Variants in MIX23 observed in about 807,000 individuals in gnomAD.
The protein encoded by MIX23 is mitochondrial matrix import factor 23.
MIX23 carries 13 observed loss-of-function variants against 21.6 expected under a neutral mutation model. That is an observed-to-expected ratio of 0.60 (90% confidence interval 0.39 to 0.96). The LOEUF is 0.96. MIX23 is among the 40% of genes least tolerant of loss of function. The probability of loss-of-function intolerance (pLI) is 0.00; values close to 1 mark genes in which losing one functional copy is unlikely to be tolerated. For missense variants in MIX23, 144 were observed against 171.2 expected (o/e 0.84, Z 0.89); for synonymous variants, 59 against 58.0 (o/e 1.02, Z -0.08).
chr3:122,362,827 C>A, intron 4 of MIX23, 141 bp downstream of exon 4: 5 of 295,128 alleles, frequency 1.7e-5, no homozygotes, highest in Non-Finnish European at 2.6e-5. Flanking sequence ...CAAAAGGTTA[C>A]AATCCTCAAT....
intron 2 of MIX23, 44 bp from the exon 3 acceptor site, chr3:122,368,366 A>T (rs770193347): frequency 6.6e-7 from 1 of 1,516,238 alleles, no homozygotes. Context: ...AACTGCATAA[A>T]TTTATCACAT....
intron 1 of MIX23, 37 bp from the exon 2 acceptor site, chr3:122,371,837 G>T: frequency 6.7e-7 from 1 of 1,502,946 alleles, no homozygotes; most frequent in South Asian, 1.2e-5. Flanking sequence ...TAACCCAAAT[G>T]GAAAGTTAGT....
intron 4 of MIX23, among the ~76,000 whole-genome samples, chr3:122,361,319 C>T (rs1385843365): frequency 2.0e-5 from 3 of 152,162 alleles, no homozygotes; most frequent in Admixed American, 2.0e-4. Context: ...TACAATTCAT[C>T]TCACCCATTT....
intron 3 of MIX23, among the ~76,000 whole-genome samples, chr3:122,367,018 TG>T (rs777455164): frequency 4.6e-5 from 7 of 152,108 alleles, no homozygotes; most frequent in Non-Finnish European, 5.9e-5. Context: ...AAATAACTAA[TG>T]AGTTTAAGGG....
At chr3:122,377,978 C>T (rs1331272046) in intron 1 of MIX23, among the ~76,000 whole-genome samples, 1 of 152,166 alleles carries the variant, frequency 6.6e-6, no homozygotes, top group African/African-American at 2.4e-5. Flanking sequence ...GGCTTAAGTA[C>T]ACAGAGAAAG....
At chr3:122,363,197 T>A (rs1367489978) in intron 3 of MIX23, among the ~76,000 whole-genome samples, 170 bp from the exon 4 acceptor site, 1 of 152,178 alleles carries the variant, frequency 6.6e-6, no homozygotes, top group Non-Finnish European at 1.5e-5. Context: ...TTTGACACAA[T>A]CAGCTTTCCC....
intron 2 of MIX23, among the ~76,000 whole-genome samples, chr3:122,368,737 T>C (rs1300688737): frequency 2.0e-5 from 3 of 152,216 alleles, no homozygotes; most frequent in African/African-American, 7.2e-5. Context: ...CTCTTTGTCC[T>C]TTCATATTTT....
rs1476927172 is a variant in MIX23, at chr3:122,383,151, C to G, written c.51+23G>C. ...GGGGACAAAAGGAGGCACATGCCTG[C>G]CACATGAGGAAAACCCCATCACCTG... On this transcript the variant is annotated intron_variant, in intron 1 of 4. Transcript: ENST00000291458. 5 of 1,613,908 alleles carry G rather than the reference C, an allele frequency of 3.1e-6. No individual in the cohort carries two copies. The South Asian group carries it at 4.4e-5, about 14-fold the overall frequency.
At chr3:122,363,135 CCTG>C (rs2075371799) in intron 3 of MIX23, 108 bp from the exon 4 acceptor site, 1 of 811,928 alleles carries the variant, frequency 1.2e-6, no homozygotes, top group Non-Finnish European at 1.9e-6. Flanking sequence ...CCCAACAAAA[CCTG>C]CTACTGCTCT....
rs374661092 is a variant in MIX23 at position 122,359,932 on chromosome 3, A to C, written c.385-13T>G. The C allele has an allele frequency of 1.3e-6, 2 of 1,590,354 alleles. No individual in the cohort carries two copies. Among genetic ancestry groups the C allele is most frequent in the Non-Finnish European group, 1.7e-6 (2 of 1,172,342 alleles). ...GTTCATTAAACACCTAAAATATTGA[A>C]ACAGAAACAAAAGTCATTGAGTTAT... On this transcript the variant is annotated splice_polypyrimidine_tract_variant and intron_variant, in intron 4 of 4. Coordinates refer to ENST00000291458, the MANE Select transcript of MIX23 (RefSeq NM_001017928.4).
Position 122,366,179 on chromosome 3 carries a change from AAAATAAAT to A in MIX23, c.324+1989_324+1996del, listed in dbSNP as rs139237017. ...GGCGATAGTGCGAGACTCCATCTCA[AAAATAAAT>A]AAATAAATAAATAAATAAATAAATA... is the stretch of plus-strand genomic sequence containing the variant. On this transcript the variant is annotated intron_variant, in intron 3 of 4. Transcript: ENST00000291458. 7.9e-3 allele frequency among the ~76,000 whole-genome samples: 1,164 copies of A among 146,988 alleles called. 12 individuals carry two copies. Among genetic ancestry groups the A allele is most frequent in the African/African-American group, 0.021 (810 of 39,502 alleles).
chr3:122,363,502 G>A (rs1390888105), intron 3 of MIX23, among the ~76,000 whole-genome samples: 1 of 151,788 alleles, frequency 6.6e-6, no homozygotes, highest in African/African-American at 2.4e-5. Flanking sequence ...AATTTGGCAA[G>A]AATCATAGGA....
At chr3:122,373,107 A>T in intron 1 of MIX23, 2 of 373,328 alleles carry the variant, frequency 5.4e-6, no homozygotes, top group Non-Finnish European at 1.0e-5. Flanking sequence ...TTAAATAAAA[A>T]TCATCCATAG....
At chr3:122,370,512 G>T (rs9834317) in intron 2 of MIX23, among the ~76,000 whole-genome samples, 29,436 of 146,942 alleles carry the variant, frequency 0.2, 3,528 homozygotes, top group African/African-American at 0.33. Flanking sequence ...CATAATCAAG[G>T]TTACCCAGCT....
chr3:122,379,532 T>C (rs1419479440), intron 1 of MIX23, among the ~76,000 whole-genome samples: 1 of 152,206 alleles, frequency 6.6e-6, no homozygotes, highest in East Asian at 1.9e-4. Context: ...ATGCTGCCAT[T>C]GAATTATGTG....
intron 2 of MIX23, 43 bp from the exon 3 acceptor site, chr3:122,368,365 A>C (rs746756827): frequency 7.8e-5 from 118 of 1,521,914 alleles, no homozygotes; most frequent in Non-Finnish European, 1.0e-4. Flanking sequence ...AAACTGCATA[A>C]ATTTATCACA....
chr3:122,372,676 T>C (rs2075451320), intron 1 of MIX23, among the ~76,000 whole-genome samples: 2 of 151,990 alleles, frequency 1.3e-5, no homozygotes, highest in African/African-American at 4.8e-5. Context: ...AAAAAAATTT[T>C]TTTTAATTAG....
At chr3:122,370,362 T>C (rs2075431451) in intron 2 of MIX23, among the ~76,000 whole-genome samples, 1 of 142,962 alleles carries the variant, frequency 7.0e-6, no homozygotes, top group Non-Finnish European at 1.5e-5. Context: ...GAGGCTGAGG[T>C]GCAAGAATCA....
intron 4 of MIX23, among the ~76,000 whole-genome samples, chr3:122,362,165 T>C (rs150870434): frequency 2.6e-5 from 4 of 152,280 alleles, no homozygotes; most frequent in Non-Finnish European, 4.4e-5. Flanking sequence ...AATAAGGAGC[T>C]TGTAAATCTA....
Sources: gnomAD v4.1 joint callset for allele counts (sites outside exome capture counted in the v4.1 genomes callset) on GRCh38, gnomAD v4.1.1 for gene constraint, MANE v1.5 for transcripts, NCBI Gene and HGNC (gene_info 2026-07-23, HGNC 2026-07-21) for gene names.